SAE1: variants seen among roughly 807,000 people sequenced by gnomAD.
The protein encoded by SAE1 is SUMO1 activating enzyme subunit 1.
A neutral mutation model predicts 40.6 loss-of-function variants in SAE1; 11 were observed. That is an observed-to-expected ratio of 0.27 (90% CI 0.17 to 0.45). The LOEUF is 0.45. SAE1 is among the 20% of genes least tolerant of loss of function. The pLI is 1.00. For missense variants in SAE1, 373 were observed against 427.3 expected, an observed-to-expected ratio of 0.87 and a Z score of 1.12; for synonymous variants, 155 against 154.3, an observed-to-expected ratio of 1.00 and a Z score of -0.03.
intron 5 of SAE1, 44 bp downstream of exon 5, chr19:47,155,257 G>A: frequency 1.5e-6 from 2 of 1,294,614 alleles, no homozygotes; most frequent in Non-Finnish European, 2.2e-6. Context: ...CTGGGGCCTT[G>A]GAGGGGTCAG....
chr19:47,190,371 G>A (rs768541280), intron 6 of SAE1, among the ~76,000 whole-genome samples: 3 of 152,148 alleles, frequency 2.0e-5, no homozygotes, highest in South Asian at 2.1e-4. Context: ...CTCTTGGGGC[G>A]GGGCGGAAAG....
rs746836608 is a variant in SAE1, at chr19:47,205,671, C to T, written c.948+1931C>T. Among the ~76,000 whole-genome samples, 8 of 152,250 alleles carry T rather than the reference C, an allele frequency of 5.3e-5. No individual in the cohort carries two copies. The East Asian group carries it at 5.8e-4, about 11-fold the overall frequency. ...TACATATTTTTGTAGCCTAAAATGA[C>T]GACACCACCAATAATAGACAAGACT... On this transcript the variant is annotated intron_variant, in intron 8 of 8. Transcript: ENST00000270225.
At chr19:47,152,309 T>TC (rs554344104) in intron 3 of SAE1, among the ~76,000 whole-genome samples, 234 of 152,368 alleles carry the variant, frequency 1.5e-3, no homozygotes, top group African/African-American at 5.6e-3. Flanking sequence ...CAGTTCATTG[T>TC]CTAAGCCTGA....
intron 6 of SAE1, among the ~76,000 whole-genome samples, chr19:47,171,464 C>CT (rs990145018): frequency 1.2e-4 from 18 of 149,532 alleles, no homozygotes; most frequent in African/African-American, 2.7e-4. Flanking sequence ...AGCTAATTTT[C>CT]TTTTTTTTTG....
chr19:47,155,311 G>T, intron 5 of SAE1, 98 bp downstream of exon 5: 2 of 773,304 alleles, frequency 2.6e-6, no homozygotes, highest in Non-Finnish European at 4.3e-6. Flanking sequence ...TTCTTGAAGG[G>T]GTGGGGCGGG....
chr19:47,208,975 T>C (rs570931519), intron 8 of SAE1, among the ~76,000 whole-genome samples, 184 bp from the exon 9 acceptor site: 3 of 152,200 alleles, frequency 2.0e-5, no homozygotes, highest in African/African-American at 7.2e-5. Flanking sequence ...GACACACAGC[T>C]TGTAAGGGAC....
chr19:47,155,052 T>G, intron 4 of SAE1, 62 bp from the exon 5 acceptor site: 1 of 1,084,884 alleles, frequency 9.2e-7, no homozygotes, highest in Non-Finnish European at 1.4e-6. Flanking sequence ...AGAGGCTTTT[T>G]TTGATTCCAA....
chr19:47,161,224 T>C (rs1397549382), intron 5 of SAE1, among the ~76,000 whole-genome samples: 1 of 149,826 alleles, frequency 6.7e-6, no homozygotes, highest in Non-Finnish European at 1.5e-5. Flanking sequence ...TTGCCCAGGC[T>C]GATCTCAAAC....
At chr19:47,205,340 CTA>C (rs960631014) in intron 8 of SAE1, among the ~76,000 whole-genome samples, 2 of 95,900 alleles carry the variant, frequency 2.1e-5, no homozygotes, top group South Asian at 3.4e-4. Flanking sequence ...TTTTTTTTGT[CTA>C]TTTTTTCTGA....
At position 47,170,503 on chromosome 19, in the gene SAE1, C is replaced by CTTTTT. The variant is rs34836827; in HGVS notation, c.733+597_733+601dup. On this transcript the variant is annotated intron_variant, in intron 6 of 8. Transcript: ENST00000270225. ...CCAACTTCTCTTCACCGCCCCCCGC[C>CTTTTT]TTTTTTTTTTTTTTTTTTTTTGAGA... Among the ~76,000 whole-genome samples the CTTTTT allele has an allele frequency of 2.1e-4, 18 of 83,932 alleles. 1 individual carries two copies. Among genetic ancestry groups the CTTTTT allele is most frequent in the African/African-American group, 2.9e-4 (6 of 21,020 alleles). The allele number at this position is 83,932 out of a possible 152,430, so 55.1% of individuals were successfully genotyped here.
At chr19:47,170,535 C>A (rs972612199) in intron 6 of SAE1, among the ~76,000 whole-genome samples, 7 of 114,832 alleles carry the variant, frequency 6.1e-5, no homozygotes, top group Admixed American at 5.6e-4. Flanking sequence ...GAGACAGAGT[C>A]TTGCTCTGTC....
chr19:47,134,047 G>A (rs929697683), intron 1 of SAE1, among the ~76,000 whole-genome samples: 4 of 151,960 alleles, frequency 2.6e-5, no homozygotes, highest in African/African-American at 9.7e-5. Flanking sequence ...ATTTTTAGTA[G>A]AGACGGAGTT....
At chr19:47,153,080 C>A in intron 4 of SAE1, 40 bp downstream of exon 4, 1 of 1,516,040 alleles carries the variant, frequency 6.6e-7, no homozygotes. Context: ...AACATTTTCT[C>A]CTTTTTATAC....
intron 6 of SAE1, among the ~76,000 whole-genome samples, chr19:47,171,073 C>T (rs1002773143): frequency 1.3e-5 from 2 of 151,736 alleles, no homozygotes; most frequent in African/African-American, 2.4e-5. Context: ...CTCCTGGGTT[C>T]AAGCGATTCT....
At chr19:47,186,259 AAAT>A (rs2058544201) in intron 6 of SAE1, among the ~76,000 whole-genome samples, 1 of 151,856 alleles carries the variant, frequency 6.6e-6, no homozygotes, top group African/African-American at 2.4e-5. Context: ...AATAAAAAAA[AAAT>A]AATAAAAGCT....
intron 5 of SAE1, among the ~76,000 whole-genome samples, chr19:47,167,330 G>C (rs984160823): frequency 6.7e-6 from 1 of 149,126 alleles, no homozygotes; most frequent in Non-Finnish European, 1.5e-5. Flanking sequence ...GTAGTGGCAC[G>C]ATGGGTTCAC....
chr19:47,187,081 C>A (rs1455460247), intron 6 of SAE1, among the ~76,000 whole-genome samples: 2 of 152,170 alleles, frequency 1.3e-5, no homozygotes, highest in African/African-American at 2.4e-5. Flanking sequence ...CACACACATA[C>A]TTTTAAGTTT....
chr19:47,192,072 AAGAG>A (rs931499181), intron 6 of SAE1, among the ~76,000 whole-genome samples: 31 of 150,938 alleles, frequency 2.1e-4, no homozygotes, highest in South Asian at 4.2e-4. Flanking sequence ...AAAAAGAAAA[AAGAG>A]AGAGAAAGAA....
At position 47,143,365 on chromosome 19, in the gene SAE1, A is replaced by G. The variant is rs189269613; in HGVS notation, c.99-129A>G. 162 of 666,608 alleles carry G rather than the reference A, an allele frequency of 2.4e-4. No individual in the cohort carries two copies. In the African/African-American group the frequency reaches 2.6e-3, roughly 11 times the overall value. The allele number at this position is 666,608 out of a possible 1,614,324, so 41.3% of individuals were successfully genotyped here. On this transcript the variant is annotated intron_variant, in intron 1 of 8. Coordinates refer to ENST00000270225, the MANE Select transcript of SAE1 (RefSeq NM_005500.3). ...AGTGATCCGCCTATCTCAGCCTCCTAAAGTGCTGGGATTACAGGCATGAGC... is the reference window on the plus strand; with the variant it reads ...AGTGATCCGCCTATCTCAGCCTCCTGAAGTGCTGGGATTACAGGCATGAGC...
Sources: allele counts gnomAD v4.1 joint callset (sites outside exome capture counted in the v4.1 genomes callset), GRCh38; gene constraint gnomAD v4.1.1; transcripts MANE v1.5; gene names NCBI Gene and HGNC (gene_info 2026-07-23, HGNC 2026-07-21).